MCMBP: variants seen among roughly 807,000 people sequenced by gnomAD.
The protein encoded by MCMBP is minichromosome maintenance complex binding protein.
MCMBP carries 31 observed loss-of-function variants against 81.3 expected under a neutral mutation model. That is an observed-to-expected ratio of 0.38 (90% CI 0.29 to 0.51). The LOEUF is 0.51. Ranked by LOEUF, MCMBP falls within the 20% of genes least tolerant of loss-of-function variation. The probability of loss-of-function intolerance (pLI) is 0.87; values close to 1 mark genes in which losing one functional copy is unlikely to be tolerated. For missense variants in MCMBP, 645 were observed against 772.1 expected (o/e 0.84, Z 1.95); for synonymous variants, 267 against 275.9 (o/e 0.97, Z 0.32).
In MCMBP at chr10:119,831,534, T is replaced by C. The variant is rs958502284; in HGVS notation, c.1863A>G (p.Leu621=). Residue 621 remains leucine, a synonymous_variant, in exon 16 of 16, where the codon CTA becomes CTG. Transcript: ENST00000369077. ...SRERWLRAKQ[L]ESLRRTRLQQ... is the part of the protein sequence containing the mutation. ...GAAGCCTCGTTCTTCTTAAAGACTC[T>C]AGCTGCTTTGCTCTCAGCCATCGTT... 5.6e-6 allele frequency: 9 copies of C among 1,613,998 alleles called. No individual in the cohort carries two copies. In the African/African-American group the frequency reaches 8.0e-5, roughly 14 times the overall value.
chr10:119,869,763 C>T (rs1284314757), intron 1 of MCMBP, among the ~76,000 whole-genome samples: 1 of 152,018 alleles, frequency 6.6e-6, no homozygotes, highest in African/African-American at 2.4e-5. Context: ...AAAAACAAAA[C>T]CCCTAGAACG....
In MCMBP at chr10:119,849,557, T is replaced by A. The variant is rs769097057; in HGVS notation, c.594A>T (p.Gln198His). The A allele has an allele frequency of 2.5e-6, 4 of 1,594,636 alleles. No individual in the cohort carries two copies. Among genetic ancestry groups the A allele is most frequent in the Non-Finnish European group, 3.4e-6 (4 of 1,174,492 alleles). The change falls in exon 7 of 16, where the codon CAA (glutamine) becomes CAT (histidine). Residue 198 changes from glutamine (Q) to histidine (H), a missense_variant. By Grantham distance (24) the Gln-to-His change is conservative. Transcript: ENST00000369077. ...CTAAACGTTTTGGCTCTCCACACCA[T>A]TGAAGACCACCAACACTCCCTAAAT... ...ARQAGSVGGLQWCGEPKRLET... is the reference protein window; with the variant it reads ...ARQAGSVGGLHWCGEPKRLET...
intron 5 of MCMBP, among the ~76,000 whole-genome samples, chr10:119,856,276 TA>T (rs1176834737): frequency 6.6e-6 from 1 of 152,164 alleles, no homozygotes; most frequent in Admixed American, 6.6e-5. Context: ...ATTGGTAGTT[TA>T]AAATGTTCTC....
At chr10:119,843,703 C>T (rs1489075419) in intron 8 of MCMBP, among the ~76,000 whole-genome samples, 1 of 151,750 alleles carries the variant, frequency 6.6e-6, no homozygotes, top group African/African-American at 2.4e-5. Context: ...ACTGTGTTGC[C>T]CAGGCTGGAG....
chr10:119,836,354 A>G (rs1226463651), intron 13 of MCMBP, among the ~76,000 whole-genome samples: 1 of 152,050 alleles, frequency 6.6e-6, no homozygotes, highest in African/African-American at 2.4e-5. Flanking sequence ...GTTTCTCATC[A>G]ATCGCAGGTG....
At chr10:119,863,098 T>C (rs1311107756) in intron 1 of MCMBP, among the ~76,000 whole-genome samples, 2 of 152,246 alleles carry the variant, frequency 1.3e-5, no homozygotes, top group African/African-American at 2.4e-5. Flanking sequence ...AGTGTATAGC[T>C]TGTCTTTTCA....
chr10:119,862,558 C>G (rs1310935575), intron 1 of MCMBP, among the ~76,000 whole-genome samples: 3 of 152,220 alleles, frequency 2.0e-5, no homozygotes, highest in Non-Finnish European at 4.4e-5. Context: ...TATTATTCCT[C>G]TGAATAACAA....
At chr10:119,848,146 C>T (rs1041213953) in intron 7 of MCMBP, among the ~76,000 whole-genome samples, 17 of 150,088 alleles carry the variant, frequency 1.1e-4, no homozygotes, top group African/African-American at 4.2e-4. Flanking sequence ...CTTGGAATGG[C>T]CAGAAGATTT....
At position 119,830,677 on chromosome 10, in the gene MCMBP, C is replaced by G. The variant is rs1851993602; in HGVS notation, c.*797G>C. 1 of 152,486 alleles carries G rather than the reference C, an allele frequency of 6.6e-6. No homozygotes were observed. Among genetic ancestry groups the G allele is most frequent in the South Asian group, 2.1e-4 (1 of 4,822 alleles). 9.4% of individuals were successfully genotyped at this position (152,486 alleles called of 1,614,324 possible). ...AATGTAGTGTCTTGGTTTCTTTTGCCCCCAAAAGCCACATTCATTCCGTTT... is the reference window on the plus strand; with the variant it reads ...AATGTAGTGTCTTGGTTTCTTTTGCGCCCAAAAGCCACATTCATTCCGTTT... On this transcript the variant is annotated 3_prime_UTR_variant, in exon 16 of 16. Coordinates refer to ENST00000369077, the MANE Select transcript of MCMBP (RefSeq NM_001256378.2).
intron 7 of MCMBP, 88 bp downstream of exon 7, chr10:119,849,337 C>G: frequency 7.2e-7 from 1 of 1,392,222 alleles, no homozygotes; most frequent in Non-Finnish European, 9.8e-7. Flanking sequence ...TAGCCCAGCA[C>G]AAGGGAACAA....
At position 119,843,271 on chromosome 10, in the gene MCMBP, T is replaced by C; in HGVS notation, c.983A>G (p.Lys328Arg). ...INPLLPACLN[K>R]EESKTFVSSF... ...ACACTTACAGGTTTTGCTCTCCTCT[T>C]TGTTAAGGCAGGCAGGCAATAATGG... Residue 328 changes from lysine (K) to arginine (R), a missense_variant, in exon 9 of 16, where the codon AAA becomes AGA. Physicochemically the swap from Lys to Arg is conservative, Grantham distance 26. Transcript: ENST00000369077. 6.2e-7 allele frequency: 1 copy of C among 1,613,752 alleles called. No individual in the cohort carries two copies. The highest frequency in any genetic ancestry group is 1.3e-5 in the African/African-American group (1 of 75,022).
chr10:119,841,938 C>T (rs548533050), intron 10 of MCMBP, among the ~76,000 whole-genome samples: 2 of 152,238 alleles, frequency 1.3e-5, no homozygotes, highest in African/African-American at 4.8e-5. Flanking sequence ...ACGCCCAGGC[C>T]GTGGACCAGT....
intron 14 of MCMBP, among the ~76,000 whole-genome samples, chr10:119,834,443 G>T (rs1315410748): frequency 6.6e-6 from 1 of 152,102 alleles, no homozygotes; most frequent in African/African-American, 2.4e-5. Flanking sequence ...GAAATGATGA[G>T]ACAAAGACTA....
intron 1 of MCMBP, among the ~76,000 whole-genome samples, chr10:119,871,259 G>C (rs988330488): frequency 1.3e-5 from 2 of 151,962 alleles, no homozygotes; most frequent in African/African-American, 4.8e-5. Context: ...ATCATTTCTA[G>C]AATTCTTATG....
At chr10:119,845,322 G>A (rs1176094253) in intron 8 of MCMBP, among the ~76,000 whole-genome samples, 1 of 152,112 alleles carries the variant, frequency 6.6e-6, no homozygotes, top group Non-Finnish European at 1.5e-5. Flanking sequence ...GGACTCTGGT[G>A]TAGATGAGGG....
At position 119,871,996 on chromosome 10, in the gene MCMBP, T is replaced by C. The variant is rs145066493; in HGVS notation, c.58+531A>G. ...AGTCATCCCAACAGGAAAACTAAGC[T>C]ATGAACATTAAATCTTATCTCTGAA... On this transcript the variant is annotated intron_variant, in intron 1 of 15. Coordinates refer to ENST00000369077, the MANE Select transcript of MCMBP (RefSeq NM_001256378.2). Among the ~76,000 whole-genome samples the C allele has an allele frequency of 4.2e-4, 64 of 152,264 alleles. 1 individual carries two copies. In the East Asian group the frequency reaches 0.012, roughly 29 times the overall value.
chr10:119,838,032 A>T (rs1208076050), intron 12 of MCMBP, among the ~76,000 whole-genome samples: 2 of 151,986 alleles, frequency 1.3e-5, no homozygotes, highest in East Asian at 3.9e-4. Context: ...ACTGAAAAAA[A>T]AATTTTAGGT....
At chr10:119,847,958 CA>C (rs534834509) in intron 7 of MCMBP, among the ~76,000 whole-genome samples, 353 of 143,174 alleles carry the variant, frequency 2.5e-3, no homozygotes, top group South Asian at 5.1e-3. Flanking sequence ...CACAGTACTA[CA>C]AAAAAAAAAG....
At chr10:119,834,733 T>C (rs1443441397) in intron 14 of MCMBP, among the ~76,000 whole-genome samples, 3 of 151,538 alleles carry the variant, frequency 2.0e-5, no homozygotes, top group Admixed American at 6.6e-5. Context: ...CAGTGGCACA[T>C]GCCTGTGGTC....
Sources: allele counts gnomAD v4.1 joint callset (sites outside exome capture counted in the v4.1 genomes callset), GRCh38; gene constraint gnomAD v4.1.1; transcripts MANE v1.5; gene names NCBI Gene and HGNC (gene_info 2026-07-23, HGNC 2026-07-21).